The following UTRN variants were observed in gnomAD, a reference collection of about 807,000 sequenced individuals.
The protein encoded by UTRN is utrophin.
UTRN carries 283 observed loss-of-function variants against 463.9 expected under a neutral mutation model. The ratio of observed to expected loss-of-function variants is 0.61; its 90% CI spans 0.55 to 0.67. The LOEUF (loss-of-function observed/expected upper bound fraction) is 0.67, where lower values mean the gene tolerates loss of function less well. Among genes scored for constraint, UTRN ranks in the 30% least tolerant of loss-of-function variants. UTRN has a pLI of 0.00. For synonymous variants in UTRN, 1,442 were observed against 1,431.5 expected, an observed-to-expected ratio of 1.01 and a Z score of -0.17; for missense variants, 3,922 against 4,084.3, an observed-to-expected ratio of 0.96 and a Z score of 1.08.
intron 19 of UTRN, among the ~76,000 whole-genome samples, chr6:144,454,635 AT>A (rs1169451596): frequency 2.0e-5 from 3 of 152,120 alleles, no homozygotes; most frequent in African/African-American, 7.2e-5. Context: ...TTAATTTTTT[AT>A]TGTTTGACTT....
rs1175722287 is a variant in UTRN, at chr6:144,513,242, A to G, written c.4945-667A>G. ...CATATTTTCATCATTTTAAAAAATT[A>G]TTCCTTAAATGAGTTTTTTAAAAAT... On this transcript the variant is annotated intron_variant, in intron 35 of 74. Coordinates refer to ENST00000367545, the MANE Select transcript of UTRN (RefSeq NM_007124.3). 5.3e-5 allele frequency among the ~76,000 whole-genome samples: 8 copies of G among 152,206 alleles called. No individual in the cohort carries two copies. In the East Asian group the frequency reaches 1.3e-3, roughly 26 times the overall value.
intron 60 of UTRN, among the ~76,000 whole-genome samples, chr6:144,775,879 G>A (rs28599831): frequency 0.016 from 2,495 of 152,236 alleles, 66 homozygotes; most frequent in African/African-American, 0.057. Flanking sequence ...CCCCTCCTCA[G>A]CTCTTCCCCT....
At chr6:144,731,684 A>T (rs145173322) in intron 54 of UTRN, among the ~76,000 whole-genome samples, 2 of 152,094 alleles carry the variant, frequency 1.3e-5, no homozygotes, top group Non-Finnish European at 2.9e-5. Flanking sequence ...GTGTGTGTGT[A>T]TATACACACA....
At chr6:144,348,966 T>C (rs944157484) in intron 2 of UTRN, among the ~76,000 whole-genome samples, 1 of 151,364 alleles carries the variant, frequency 6.6e-6, no homozygotes, top group Non-Finnish European at 1.5e-5. Flanking sequence ...AAAAGAATCT[T>C]GGGTGGAGAA....
rs545012631 is a variant in UTRN, at chr6:144,667,261, T to C, written c.7480-11145T>C. On this transcript the variant is annotated intron_variant, in intron 51 of 74. Transcript: ENST00000367545. Reference sequence around the variant, plus strand: ...TATGAGAGATGGGATTTTCATCCTGTTGGCTAGGCTGATCTGGAACTCCTG... The same window carrying C: ...TATGAGAGATGGGATTTTCATCCTGCTGGCTAGGCTGATCTGGAACTCCTG... Among the ~76,000 whole-genome samples, 9 of 152,250 alleles carry C rather than the reference T, an allele frequency of 5.9e-5. No individual in the cohort carries two copies. In the South Asian group the frequency reaches 1.9e-3, roughly 32 times the overall value.
chr6:144,538,354 G>A (rs911203863), intron 44 of UTRN, among the ~76,000 whole-genome samples: 3 of 152,048 alleles, frequency 2.0e-5, no homozygotes, highest in Admixed American at 1.3e-4. Context: ...TCAGCATAAT[G>A]TGCTCACATT....
chr6:144,626,288 A>C (rs1015660570), intron 51 of UTRN, among the ~76,000 whole-genome samples: 2 of 152,148 alleles, frequency 1.3e-5, no homozygotes, highest in Non-Finnish European at 2.9e-5. Flanking sequence ...GTCAGTAATA[A>C]ATAGTTTGTT....
At chr6:144,353,154 G>A (rs1029639338) in intron 2 of UTRN, among the ~76,000 whole-genome samples, 2 of 151,826 alleles carry the variant, frequency 1.3e-5, no homozygotes, top group Non-Finnish European at 2.9e-5. Context: ...TCGCTCTGTT[G>A]CCCAGGCTGG....
At chr6:144,839,639 A>G (rs1256111340) in intron 72 of UTRN, among the ~76,000 whole-genome samples, 1 of 152,214 alleles carries the variant, frequency 6.6e-6, no homozygotes, top group South Asian at 2.1e-4. Context: ...CAGGACTAAT[A>G]ATATTACACC....
At chr6:144,292,753 T>C (rs1044003539) in intron 2 of UTRN, among the ~76,000 whole-genome samples, 1 of 152,200 alleles carries the variant, frequency 6.6e-6, no homozygotes, top group African/African-American at 2.4e-5. Flanking sequence ...AAAAGTTACT[T>C]TGAGGTATAA....
At chr6:144,500,906 G>C (rs1236467960) in intron 34 of UTRN, among the ~76,000 whole-genome samples, 1 of 152,186 alleles carries the variant, frequency 6.6e-6, no homozygotes, top group Non-Finnish European at 1.5e-5. Flanking sequence ...ATACTAGTGG[G>C]AAGTGCTGAA....
chr6:144,419,874 T>A (rs958390339), intron 3 of UTRN, among the ~76,000 whole-genome samples: 6 of 152,074 alleles, frequency 3.9e-5, no homozygotes, highest in Non-Finnish European at 7.4e-5. Context: ...TCACTTCCAC[T>A]GAATGGTAAG....
intron 19 of UTRN, among the ~76,000 whole-genome samples, chr6:144,457,319 G>T (rs1788954035): frequency 6.6e-6 from 1 of 152,162 alleles, no homozygotes; most frequent in Non-Finnish European, 1.5e-5. Flanking sequence ...CCTTGTTCTT[G>T]AAGTGAGCAC....
At chr6:144,787,706 G>C (rs968365010) in intron 61 of UTRN, among the ~76,000 whole-genome samples, 1 of 152,108 alleles carries the variant, frequency 6.6e-6, no homozygotes, top group Non-Finnish European at 1.5e-5. Context: ...AGTTTGGCAA[G>C]AAGACTGCTT....
intron 50 of UTRN, among the ~76,000 whole-genome samples, chr6:144,557,987 C>T (rs1799540952): frequency 6.6e-6 from 1 of 152,108 alleles, no homozygotes; most frequent in Non-Finnish European, 1.5e-5. Flanking sequence ...AAGATGTTTA[C>T]ATCATGCATA....
At chr6:144,777,180 T>C (rs186402528) in intron 60 of UTRN, among the ~76,000 whole-genome samples, 17 of 152,262 alleles carry the variant, frequency 1.1e-4, no homozygotes, top group Non-Finnish European at 2.2e-4. Context: ...TTGAAGGTTA[T>C]ATAGCAGTAC....
intron 59 of UTRN, among the ~76,000 whole-genome samples, chr6:144,773,816 A>G (rs1324235726): frequency 6.6e-6 from 1 of 152,150 alleles, no homozygotes; most frequent in Admixed American, 6.5e-5. Context: ...TTCAGGAGAG[A>G]AGGGAGAAGG....
chr6:144,783,262 T>C (rs1412215544), intron 61 of UTRN, among the ~76,000 whole-genome samples: 1 of 152,070 alleles, frequency 6.6e-6, no homozygotes, highest in Admixed American at 6.6e-5. Flanking sequence ...AGTTATTATC[T>C]ATTAATTAGC....
At chr6:144,634,448 T>G (rs1776882213) in intron 51 of UTRN, among the ~76,000 whole-genome samples, 1 of 152,176 alleles carries the variant, frequency 6.6e-6, no homozygotes, top group Non-Finnish European at 1.5e-5. Flanking sequence ...ATGGCGTAAG[T>G]TCTTTTCTGT....
Sources: allele counts gnomAD v4.1 joint callset (sites outside exome capture counted in the v4.1 genomes callset), GRCh38; gene constraint gnomAD v4.1.1; transcripts MANE v1.5; gene names NCBI Gene and HGNC (gene_info 2026-07-23, HGNC 2026-07-21).